The following SCHIP1 variants were observed in gnomAD, a reference collection of about 807,000 sequenced individuals.
The protein encoded by SCHIP1 is schwannomin interacting protein 1.
Under a neutral mutation model 29.7 loss-of-function variants are expected in SCHIP1, and 8 were observed. The ratio of observed to expected loss-of-function variants is 0.27; its 90% CI spans 0.16 to 0.49. The LOEUF (loss-of-function observed/expected upper bound fraction) is 0.49, where lower values mean the gene tolerates loss of function less well. Ranked by LOEUF, SCHIP1 falls within the 20% of genes least tolerant of loss-of-function variation. SCHIP1 has a pLI of 0.99. For synonymous variants in SCHIP1, 76 were observed against 94.9 expected (o/e 0.80, Z 1.16); for missense variants, 193 against 294.6 (o/e 0.66, Z 2.52).
At chr3:159,884,812 T>C (rs1312369307) in intron 2 of SCHIP1, among the ~76,000 whole-genome samples, 5 of 152,316 alleles carry the variant, frequency 3.3e-5, no homozygotes, top group African/African-American at 7.2e-5. Context: ...ACTCCAAGCA[T>C]CTTCAGATGA....
chr3:159,651,734 A>C, the SCHIP1 span, among the ~76,000 whole-genome samples: 1 of 152,178 alleles, frequency 6.6e-6, no homozygotes, highest in East Asian at 1.9e-4. Context: ...TTTACTGAAA[A>C]GTCTAGCATC....
At chr3:159,502,879 T>C in the SCHIP1 span, among the ~76,000 whole-genome samples, 1 of 152,210 alleles carries the variant, frequency 6.6e-6, no homozygotes, top group African/African-American at 2.4e-5. Context: ...AGGGGCCAAC[T>C]GGCCCCTGCA....
chr3:159,657,261 T>A, the SCHIP1 span, among the ~76,000 whole-genome samples: 1 of 152,202 alleles, frequency 6.6e-6, no homozygotes, highest in East Asian at 1.9e-4. Flanking sequence ...CAGTGACCTC[T>A]TCAATTACCC....
the SCHIP1 span, among the ~76,000 whole-genome samples, chr3:159,686,742 C>A: frequency 6.6e-6 from 1 of 152,138 alleles, no homozygotes; most frequent in African/African-American, 2.4e-5. Flanking sequence ...GTCCTTATTT[C>A]TGCTGATAAT....
the SCHIP1 span, among the ~76,000 whole-genome samples, chr3:159,778,549 T>C: frequency 1.3e-5 from 2 of 152,190 alleles, no homozygotes; most frequent in South Asian, 4.1e-4. Flanking sequence ...AAAAAGGGTA[T>C]ACTAAAACTA....
the SCHIP1 span, among the ~76,000 whole-genome samples, chr3:159,517,450 T>C: frequency 6.6e-6 from 1 of 152,152 alleles, no homozygotes; most frequent in South Asian, 2.1e-4. Context: ...ATTTGGATCA[T>C]GGATGAAAAA....
chr3:159,574,584 A>C, the SCHIP1 span, among the ~76,000 whole-genome samples: 1 of 152,378 alleles, frequency 6.6e-6, no homozygotes, highest in South Asian at 2.1e-4. Context: ...CCACTTGAGA[A>C]GACAGTCTGT....
At chr3:159,618,546 G>A in the SCHIP1 span, among the ~76,000 whole-genome samples, 30 of 152,322 alleles carry the variant, frequency 2.0e-4, 1 homozygote, top group African/African-American at 6.5e-4. Context: ...TGTGCAAAGT[G>A]TTCAACTATG....
the SCHIP1 span, among the ~76,000 whole-genome samples, chr3:159,485,913 CA>C: frequency 6.6e-6 from 1 of 152,158 alleles, no homozygotes; most frequent in Non-Finnish European, 1.5e-5. Flanking sequence ...AGCCTTCTTC[CA>C]AACCCCACTT....
chr3:159,760,869 A>G, the SCHIP1 span, among the ~76,000 whole-genome samples: 1 of 121,602 alleles, frequency 8.2e-6, no homozygotes, highest in East Asian at 2.7e-4. Flanking sequence ...TCTTGATATA[A>G]AAGTATTTCT....
the SCHIP1 span, among the ~76,000 whole-genome samples, chr3:159,382,915 A>G: frequency 3.3e-5 from 5 of 151,198 alleles, no homozygotes; most frequent in Admixed American, 6.6e-5. Context: ...CTTTTGAGAA[A>G]TGTCTGTTCA....
intron 6 of SCHIP1, chr3:159,893,510 T>G (rs1172887517): frequency 6.6e-6 from 1 of 152,116 alleles, no homozygotes; most frequent in Non-Finnish European, 1.5e-5. Context: ...GGGCCTACAT[T>G]TTTTTAAAAA....
chr3:159,357,140 T>G, the SCHIP1 span, among the ~76,000 whole-genome samples: 1 of 152,222 alleles, frequency 6.6e-6, no homozygotes, highest in African/African-American at 2.4e-5. Flanking sequence ...TGTTTCAGCA[T>G]GGAGAGATAG....
chr3:159,568,722 G>A, the SCHIP1 span, among the ~76,000 whole-genome samples: 5 of 152,100 alleles, frequency 3.3e-5, no homozygotes, highest in African/African-American at 4.8e-5. Flanking sequence ...GTGTATGTGT[G>A]TCTCCAATAG....
chr3:159,839,879 T>C (rs907495155), exon 1 of SCHIP1: 32 of 1,381,810 alleles, frequency 2.3e-5, no homozygotes, highest in African/African-American at 5.9e-5. Flanking sequence ...GTGCCTATAA[T>C]ATAATTGGCT....
chr3:159,861,004 A>G lies in SCHIP1; in HGVS notation c.31-5159A>G, dbSNP rs1429590600. Among the ~76,000 whole-genome samples, 15 of 152,156 alleles carry G rather than the reference A, an allele frequency of 9.9e-5. No homozygotes were observed. The highest frequency in any genetic ancestry group is 8.8e-5 in the Non-Finnish European group (6 of 68,028). ...CTAAGCACCAGATGGCTTTAGGTTC[A>G]GGTTTAGGATGTTATTTCCTGAAGT... On this transcript the variant is annotated intron_variant, in intron 1 of 6. Transcript: ENST00000445224. This position sits in a 1 kb window ranked among gnomAD's most constrained non-coding sequence, Gnocchi z 4.1.
chr3:159,837,881 A>G (rs1023645073), upstream of SCHIP1, among the ~76,000 whole-genome samples: 1 of 151,634 alleles, frequency 6.6e-6, no homozygotes, highest in African/African-American at 2.4e-5. Context: ...CTTCATCTTG[A>G]CTCATTCCCT....
the SCHIP1 span, among the ~76,000 whole-genome samples, chr3:159,537,868 GA>G: frequency 2.6e-5 from 4 of 152,092 alleles, no homozygotes; most frequent in East Asian, 5.8e-4. Flanking sequence ...ATAAACAGTA[GA>G]AAAAAATATA....
At chr3:159,768,530 A>T in the SCHIP1 span, 2 of 152,256 alleles carry the variant, frequency 1.3e-5, no homozygotes, top group Admixed American at 6.5e-5. Context: ...AGGCAAATTT[A>T]AAAATGCACA....
Sources: gnomAD v4.1 joint callset for allele counts (sites outside exome capture counted in the v4.1 genomes callset) on GRCh38, gnomAD v4.1.1 for gene constraint, Gnocchi (gnomAD v3.1) non-coding constraint, MANE v1.5 for transcripts, NCBI Gene and HGNC (gene_info 2026-07-23, HGNC 2026-07-21) for gene names.